The following SLC1A2 variants were observed in gnomAD, a reference collection of about 807,000 sequenced individuals.
SLC1A2 encodes the protein excitatory amino acid transporter 2.
SLC1A2 carries 15 observed loss-of-function variants against 48.8 expected under a neutral mutation model. The ratio of observed to expected loss-of-function variants is 0.31; its 90% CI spans 0.21 to 0.47. The LOEUF (loss-of-function observed/expected upper bound fraction) is 0.47. Among genes scored for constraint, SLC1A2 ranks in the 20% least tolerant of loss-of-function variants. SLC1A2 has a pLI of 0.99. For synonymous variants in SLC1A2, 279 were observed against 272.6 expected (o/e 1.02, Z -0.23); for missense variants, 502 against 730.5 (o/e 0.69, Z 3.61).
chr11:35,350,196 C>G (rs1475895515), intron 1 of SLC1A2, among the ~76,000 whole-genome samples: 8 of 152,206 alleles, frequency 5.3e-5, no homozygotes, highest in Non-Finnish European at 7.4e-5. Flanking sequence ...ACTTAAACAA[C>G]AAGAAGACAT....
chr11:35,389,727 C>T (rs1854703053), intron 1 of SLC1A2, among the ~76,000 whole-genome samples: 1 of 152,168 alleles, frequency 6.6e-6, no homozygotes, highest in Non-Finnish European at 1.5e-5. Flanking sequence ...ATCTCAGCCT[C>T]CCAAAGTGCT....
At chr11:35,406,263 C>T (rs1037991929) in intron 1 of SLC1A2, among the ~76,000 whole-genome samples, 1 of 152,132 alleles carries the variant, frequency 6.6e-6, no homozygotes, top group Non-Finnish European at 1.5e-5. Flanking sequence ...TTACTGAGTG[C>T]ACTGCATTAG....
intron 9 of SLC1A2, among the ~76,000 whole-genome samples, chr11:35,272,496 G>A (rs562898770): frequency 6.6e-6 from 1 of 152,326 alleles, no homozygotes; most frequent in African/African-American, 2.4e-5. Flanking sequence ...TGAAAATGCT[G>A]CAAGGCAGAA....
chr11:35,413,219 C>T (rs995404364), intron 1 of SLC1A2, among the ~76,000 whole-genome samples: 2 of 152,160 alleles, frequency 1.3e-5, no homozygotes, highest in Admixed American at 6.5e-5. Flanking sequence ...CAGGAGATGG[C>T]CATTCCTCAG....
At chr11:35,302,813 A>G (rs1360368157) in intron 5 of SLC1A2, among the ~76,000 whole-genome samples, 1 of 150,910 alleles carries the variant, frequency 6.6e-6, no homozygotes, top group African/African-American at 2.4e-5. Context: ...TGTTTCCAGT[A>G]CTGCCTGGGG....
intron 1 of SLC1A2, among the ~76,000 whole-genome samples, chr11:35,384,058 C>G (rs534991550): frequency 2.6e-4 from 40 of 152,356 alleles, no homozygotes; most frequent in Admixed American, 2.0e-3. Context: ...ATCGCCTCCT[C>G]TGTTCCAGCC....
intron 1 of SLC1A2, among the ~76,000 whole-genome samples, chr11:35,346,332 G>A (rs928655645): frequency 6.6e-6 from 1 of 152,082 alleles, no homozygotes; most frequent in Non-Finnish European, 1.5e-5. Context: ...TAGTCTCCAT[G>A]GGCTACTCCT....
intron 9 of SLC1A2, among the ~76,000 whole-genome samples, chr11:35,266,931 C>T (rs1224989093): frequency 6.6e-6 from 1 of 152,190 alleles, no homozygotes; most frequent in Non-Finnish European, 1.5e-5. Context: ...GGGCCTGGCT[C>T]CTTTGCAAGG....
At chr11:35,378,790 T>C (rs1021714806) in intron 1 of SLC1A2, among the ~76,000 whole-genome samples, 2 of 152,162 alleles carry the variant, frequency 1.3e-5, no homozygotes, top group African/African-American at 2.4e-5. Context: ...TAGTTGTCTA[T>C]AAGGATGCAG....
chr11:35,408,085 C>A (rs1164178093), intron 1 of SLC1A2, among the ~76,000 whole-genome samples: 2 of 152,174 alleles, frequency 1.3e-5, no homozygotes, highest in Non-Finnish European at 1.5e-5. Context: ...TCTGCACTTA[C>A]CTCGCCCCCA....
intron 1 of SLC1A2, among the ~76,000 whole-genome samples, chr11:35,355,937 T>C (rs1194829442): frequency 6.6e-6 from 1 of 151,794 alleles, no homozygotes; most frequent in African/African-American, 2.4e-5. Context: ...TTGAACAAGT[T>C]AGGTAACTCT....
At chr11:35,376,956 G>A (rs1854257528) in intron 1 of SLC1A2, among the ~76,000 whole-genome samples, 1 of 152,238 alleles carries the variant, frequency 6.6e-6, no homozygotes, top group Admixed American at 6.5e-5. Flanking sequence ...AGCCAGCAGT[G>A]AGCTTCCAGA....
intron 9 of SLC1A2, among the ~76,000 whole-genome samples, chr11:35,274,699 C>T (rs571622275): frequency 1.4e-4 from 21 of 152,274 alleles, no homozygotes; most frequent in Middle Eastern, 3.4e-3. Context: ...TTAATATCCA[C>T]TAAATTGGGA....
chr11:35,376,807 A>C (rs1854248755), intron 1 of SLC1A2, among the ~76,000 whole-genome samples: 1 of 152,228 alleles, frequency 6.6e-6, no homozygotes, highest in Non-Finnish European at 1.5e-5. Context: ...CACATGCTTC[A>C]AGATATGAAT....
At chr11:35,413,440 G>A (rs1221202403) in intron 1 of SLC1A2, among the ~76,000 whole-genome samples, 1 of 151,954 alleles carries the variant, frequency 6.6e-6, no homozygotes, top group African/African-American at 2.4e-5. Context: ...ATTGTTGTGG[G>A]GATTAAATAA....
intron 1 of SLC1A2, among the ~76,000 whole-genome samples, chr11:35,408,765 T>A (rs1484207384): frequency 6.6e-6 from 1 of 152,230 alleles, no homozygotes; most frequent in Non-Finnish European, 1.5e-5. Flanking sequence ...TTCACACTCT[T>A]TTATTTGGCT....
Position 35,289,161 on chromosome 11 carries a change from C to T in SLC1A2, c.1092-2210G>A, listed in dbSNP as rs565221409. ...GGGCTGAAGACAGGTCAGTCTCAGG[C>T]CACCCCACTCCCTCTGTCCTCCCTG... On this transcript the variant is annotated intron_variant, in intron 7 of 10. Transcript: ENST00000278379. Among the ~76,000 whole-genome samples the T allele has an allele frequency of 2.6e-5, 4 of 152,300 alleles. No individual in the cohort carries two copies. The South Asian group carries it at 6.2e-4, about 24-fold the overall frequency.
chr11:35,377,225 G>C (rs1854269722), intron 1 of SLC1A2, among the ~76,000 whole-genome samples: 1 of 152,166 alleles, frequency 6.6e-6, no homozygotes, highest in Admixed American at 6.5e-5. Flanking sequence ...AACTTCCCAA[G>C]GATGTACAGC....
chr11:35,407,898 G>A (rs1476857499), intron 1 of SLC1A2, among the ~76,000 whole-genome samples: 1 of 152,130 alleles, frequency 6.6e-6, no homozygotes, highest in East Asian at 1.9e-4. Flanking sequence ...CTGTGTGCGG[G>A]TGAGCTCCCT....
Sources: gnomAD v4.1 joint callset for allele counts (sites outside exome capture counted in the v4.1 genomes callset) on GRCh38, gnomAD v4.1.1 for gene constraint, MANE v1.5 for transcripts, NCBI Gene and HGNC (gene_info 2026-07-23, HGNC 2026-07-21) for gene names.